The following EPHA2 variants were observed in gnomAD, a reference collection of about 807,000 sequenced individuals.
EPHA2 encodes ephrin type-A receptor 2.
EPHA2 carries 54 observed loss-of-function variants against 104.9 expected under a neutral mutation model. The ratio of observed to expected loss-of-function variants is 0.51; its 90% CI spans 0.41 to 0.65. The LOEUF is 0.65. Among genes scored for constraint, EPHA2 ranks in the 30% least tolerant of loss-of-function variants. The pLI is 0.00. For synonymous variants in EPHA2, 560 were observed against 559.1 expected (o/e 1.00, Z -0.02); for missense variants, 1,117 against 1,369.5 (o/e 0.82, Z 2.91).
Position 16,136,773 on chromosome 1 carries a change from G to GAAC in EPHA2, c.1313-1006_1313-1004dup, listed in dbSNP as rs879522484. The stretch of plus-strand genomic sequence containing the variant: ...AGAAGAAGAAGAAGAAGAAGAAGAA[G>GAAC]AACTAACTTTTGCTGAATGCTTTCT... On this transcript the variant is annotated intron_variant, in intron 5 of 16. Transcript: ENST00000358432. Among the ~76,000 whole-genome samples, 126 of 146,598 alleles carry GAAC rather than the reference G, an allele frequency of 8.6e-4. 6 individuals carry two copies. Among genetic ancestry groups the GAAC allele is most frequent in the African/African-American group, 3.5e-4 (14 of 40,000 alleles).
intron 3 of EPHA2, among the ~76,000 whole-genome samples, chr1:16,140,467 T>C (rs1253849819): frequency 6.6e-6 from 1 of 152,178 alleles, no homozygotes; most frequent in African/African-American, 2.4e-5. Flanking sequence ...AGACCTGCTA[T>C]ATACAGGCAC....
chr1:16,124,878 T>G lies in EPHA2; in HGVS notation c.*337A>C. The G allele has an allele frequency of 1.6e-5, 5 of 304,030 alleles. No individual in the cohort carries two copies. Among genetic ancestry groups the G allele is most frequent in the African/African-American group, 2.1e-5 (1 of 47,032 alleles). The allele number at this position is 304,030 out of a possible 1,614,324, so 18.8% of individuals were successfully genotyped here. A position where few individuals can be genotyped will look rare whatever the true frequency, so the allele number is the denominator to read the frequency against. ...CCCTCCATCTCCTGAGATGGCCTCA[T>G]GTGGGAGAAGGCGGAGGGAAGGTCG... On this transcript the variant is annotated 3_prime_UTR_variant, in exon 17 of 17. Coordinates refer to ENST00000358432, the MANE Select transcript of EPHA2 (RefSeq NM_004431.5).
At chr1:16,141,468 C>T (rs553887176) in intron 3 of EPHA2, among the ~76,000 whole-genome samples, 19 of 152,370 alleles carry the variant, frequency 1.2e-4, no homozygotes, top group African/African-American at 4.1e-4. Flanking sequence ...CCATGTTTAT[C>T]CTGGGGTCAG....
Position 16,135,668 on chromosome 1 carries a change from G to A in EPHA2, c.1415C>T (p.Thr472Ile). 6.2e-7 allele frequency: 1 copy of A among 1,613,998 alleles called. No individual in the cohort carries two copies. The highest frequency in any genetic ancestry group is 8.5e-7 in the Non-Finnish European group (1 of 1,180,006). Residue 472 changes from threonine to isoleucine, a missense_variant, in exon 6 of 17, where the codon ACT (threonine) becomes ATT (isoleucine). By Grantham distance (89) the Thr-to-Ile change is moderately conservative. Around this residue, in one of 3 missense-constraint regions of EPHA2, gnomAD observed 664 missense variants for 784.8 expected, o/e 0.85. Transcript: ENST00000358432. The surrounding 1 kb of genome is among the most constrained non-coding windows in gnomAD (Gnocchi z 4.3). ...TCTGGGAGTTACCTTCTTGCGGTAA[G>A]TGACCTCGTACTTCCACACTCGGCT... ...QQSRVWKYEV[T>I]YRKKGDSNSY...
At chr1:16,132,476 C>T (rs2024592606) in intron 11 of EPHA2, 37 bp from the exon 12 acceptor site, 1 of 1,610,904 alleles carries the variant, frequency 6.2e-7, no homozygotes, top group South Asian at 1.1e-5. Context: ...GGTAAGTGGG[C>T]CCAGGCATGT....
Position 16,125,021 on chromosome 1 carries a change from GGCCC to G in EPHA2, c.*190_*193del. On this transcript the variant is annotated 3_prime_UTR_variant, in exon 17 of 17. Coordinates refer to ENST00000358432, the MANE Select transcript of EPHA2 (RefSeq NM_004431.5). The surrounding 1 kb of genome is among the most constrained non-coding windows in gnomAD (Gnocchi z 4.9). ...CTGTGTGCGTCTCGCAGGGAAAGAGGGCCCAGCCCAGCATCCCTGGTCATCTCCT... is the reference window on the plus strand; with the variant it reads ...CTGTGTGCGTCTCGCAGGGAAAGAGGAGCCCAGCATCCCTGGTCATCTCCT... The G allele has an allele frequency of 1.6e-6, 1 of 624,288 alleles. No homozygotes were observed. Among genetic ancestry groups the G allele is most frequent in the Non-Finnish European group, 2.9e-6 (1 of 342,536 alleles). The allele number at this position is 624,288 out of a possible 1,614,324, so 38.7% of individuals were successfully genotyped here. A position where few individuals can be genotyped will look rare whatever the true frequency, so the allele number is the denominator to read the frequency against.
Position 16,148,677 on chromosome 1 carries a change from C to A in EPHA2, c.524G>T (p.Arg175Leu), listed in dbSNP as rs759687964. 12 of 1,610,828 alleles carry A rather than the reference C, an allele frequency of 7.4e-6. No homozygotes were observed. Among genetic ancestry groups the A allele is most frequent in the Admixed American group, 1.7e-5 (1 of 60,030 alleles). Residue 175 changes from arginine (R) to leucine (L), a missense_variant, in exon 3 of 17, where the codon CGC (arginine) becomes CTC (leucine). By Grantham distance (102) the Arg-to-Leu change is moderately radical. This residue lies in a region of EPHA2 where 664 missense variants were observed against 784.8 expected (regional missense o/e 0.85). Transcript: ENST00000358432. The surrounding 1 kb of genome is among the most constrained non-coding windows in gnomAD (Gnocchi z 4.9). ...VEERSVGPLTRKGFYLAFQDI... is the reference protein window; with the variant it reads ...VEERSVGPLTLKGFYLAFQDI... ...CTGGAAGGCCAGGTAGAAGCCTTTG[C>A]GGGTGAGCGGCCCCACGGAGCGCTC... is the stretch of plus-strand genomic sequence containing the variant.
Position 16,137,913 on chromosome 1 carries a change from C to T in EPHA2, c.1252G>A (p.Val418Ile), listed in dbSNP as rs568736295. ...YTFTVEARNG[V>I]SGLVTSRSFR... ...CTGCGGCTGGTTACCAGGCCTGAGACGCCATTGCGGGCCTCCACGGTGAAG... is the reference window on the plus strand; with the variant it reads ...CTGCGGCTGGTTACCAGGCCTGAGATGCCATTGCGGGCCTCCACGGTGAAG... The change falls in exon 5 of 17, where the codon GTC (valine) becomes ATC (isoleucine). Residue 418 changes from valine to isoleucine, a missense_variant. Physicochemically the swap from Val to Ile is conservative, Grantham distance 29. Around this residue, in one of 3 missense-constraint regions of EPHA2, gnomAD observed 664 missense variants for 784.8 expected, o/e 0.85. Transcript: ENST00000358432. 44 of 1,614,050 alleles carry T rather than the reference C, an allele frequency of 2.7e-5. No homozygotes were observed. Among genetic ancestry groups the T allele is most frequent in the East Asian group, 8.9e-5 (4 of 44,890 alleles).
chr1:16,148,618 G>A lies in EPHA2; in HGVS notation c.583C>T (p.Arg195Cys), dbSNP rs368758045. Residue 195 changes from arginine (R) to cysteine (C), a missense_variant, in exon 3 of 17, where the codon CGT (arginine) becomes TGT (cysteine). This residue lies in a region of EPHA2 where 664 missense variants were observed against 784.8 expected (regional missense o/e 0.85). Coordinates refer to ENST00000358432, the MANE Select transcript of EPHA2 (RefSeq NM_004431.5). The surrounding 1 kb of genome is among the most constrained non-coding windows in gnomAD (Gnocchi z 4.9). The stretch of plus-strand genomic sequence containing the variant: ...TCGGGGCACTTCTTGTAGTAGACAC[G>A]GACGGAGAGCAGCGCCACACAGGCA... ...IGACVALLSV[R>C]VYYKKCPELL... 1.1e-5 allele frequency: 17 copies of A among 1,608,900 alleles called. No individual in the cohort carries two copies. The highest frequency in any genetic ancestry group is 2.7e-5 in the African/African-American group (2 of 75,076).
In EPHA2 at chr1:16,148,823, C is replaced by T. The variant is rs772897846; in HGVS notation, c.378G>A (p.Ser126=). Residue 126 remains serine (S), a synonymous_variant, in exon 3 of 17, where the codon TCG becomes TCA. Transcript: ENST00000358432. This position sits in a 1 kb window ranked among gnomAD's most constrained non-coding sequence, Gnocchi z 4.9. ...GGAAGTTGGTGCCGTAGTCCAGGTC[C>T]GACTCGGCATAGTAGAGGTTGAAAG... ...KETFNLYYAE[S]DLDYGTNFQK... The T allele has an allele frequency of 3.7e-6, 6 of 1,614,118 alleles. No homozygotes were observed. Among genetic ancestry groups the T allele is most frequent in the Admixed American group, 3.3e-5 (2 of 60,024 alleles).
chr1:16,136,773 G>GAAGAAGAAGAAC (rs869033211), intron 5 of EPHA2, among the ~76,000 whole-genome samples: 104 of 146,600 alleles, frequency 7.1e-4, no homozygotes, highest in Middle Eastern at 3.5e-3. Context: ...AGAAGAAGAA[G>GAAGAAGAAGAAC]AACTAACTTT....
At position 16,130,302 on chromosome 1, in the gene EPHA2, C is replaced by T. The variant is rs1474849620; in HGVS notation, c.2593G>A (p.Ala865Thr). ...QQERARRPKFADIVSILDKLI... is the reference protein window; with the variant it reads ...QQERARRPKFTDIVSILDKLI... The stretch of plus-strand genomic sequence containing the variant: ...TTGTCCAGGATGCTGACGATGTCAG[C>T]GAACTTGGGGCGGCGGGCACGCTCC... Residue 865 changes from alanine to threonine, a missense_variant, in exon 15 of 17, where the codon GCT becomes ACT. Ala to Thr is a moderately conservative substitution (Grantham distance 58, BLOSUM62 0). Transcript: ENST00000358432. This position sits in a 1 kb window ranked among gnomAD's most constrained non-coding sequence, Gnocchi z 4.5. The T allele has an allele frequency of 3.1e-6, 5 of 1,611,622 alleles. No homozygotes were observed. In the South Asian group the frequency reaches 4.4e-5, roughly 14 times the overall value.
intron 3 of EPHA2, among the ~76,000 whole-genome samples, chr1:16,142,692 G>GGTTT: frequency 6.7e-6 from 1 of 148,690 alleles, no homozygotes; most frequent in Non-Finnish European, 1.5e-5. Context: ...ATGGATGGGT[G>GGTTT]GGTGGGTGGA....
intron 3 of EPHA2, among the ~76,000 whole-genome samples, chr1:16,144,189 A>G (rs2024885019): frequency 1.3e-5 from 2 of 152,166 alleles, no homozygotes; most frequent in African/African-American, 2.4e-5. Context: ...CGGAGATGCC[A>G]GCGCCTAGCT....
At chr1:16,154,758 A>G (rs1404327641) in intron 1 of EPHA2, among the ~76,000 whole-genome samples, 3 of 124,686 alleles carry the variant, frequency 2.4e-5, no homozygotes, top group Non-Finnish European at 4.6e-5. Flanking sequence ...CTCCGTCTCA[A>G]AAAAAAAAAA....
chr1:16,139,548 CAG>C (rs778884863), intron 3 of EPHA2, among the ~76,000 whole-genome samples: 13 of 152,188 alleles, frequency 8.5e-5, no homozygotes, highest in South Asian at 4.1e-4. Flanking sequence ...GTCTGCAAGA[CAG>C]AGGGAGGAAA....
chr1:16,136,757 A>G lies in EPHA2; in HGVS notation c.1313-987T>C, dbSNP rs554874011. On this transcript the variant is annotated intron_variant, in intron 5 of 16. Coordinates refer to ENST00000358432, the MANE Select transcript of EPHA2 (RefSeq NM_004431.5). ...AAGAAGAAGAAGAAGAAGAAGAAGA[A>G]GAAGAAGAAGAAGAAGAACTAACTT... Among the ~76,000 whole-genome samples the G allele has an allele frequency of 2.5e-3, 369 of 145,754 alleles. 6 individuals are homozygous for G. The highest frequency in any genetic ancestry group is 9.8e-3 in the African/African-American group (359 of 36,756).
chr1:16,151,290 A>G (rs1569612745), intron 1 of EPHA2, among the ~76,000 whole-genome samples: 1 of 152,244 alleles, frequency 6.6e-6, no homozygotes, highest in Admixed American at 6.5e-5. Context: ...GCCCGGCAGG[A>G]GAACAGCAGC....
intron 1 of EPHA2, chr1:16,153,194 T>A: frequency 2.0e-6 from 2 of 985,248 alleles, no homozygotes; most frequent in Non-Finnish European, 2.4e-6. Flanking sequence ...GCCATCTTTG[T>A]GGGTCCACAT....
Sources: allele counts gnomAD v4.1 joint callset (sites outside exome capture counted in the v4.1 genomes callset), GRCh38; gene constraint gnomAD v4.1.1; regional missense constraint gnomAD v4.1.1; non-coding constraint Gnocchi (gnomAD v3.1); transcripts MANE v1.5; gene names NCBI Gene and HGNC (gene_info 2026-07-23, HGNC 2026-07-21).